The following CFAP20DC variants were observed in gnomAD, a reference collection of about 807,000 sequenced individuals.
CFAP20DC encodes CFAP20 domain containing.
CFAP20DC carries 84 observed loss-of-function variants against 101.7 expected under a neutral mutation model. That is an observed-to-expected ratio of 0.83 (90% CI 0.69 to 0.99). CFAP20DC has a LOEUF of 0.99. Among genes scored for constraint, CFAP20DC ranks in the 50% least tolerant of loss-of-function variants. The pLI, the probability that CFAP20DC is intolerant of heterozygous loss-of-function variation, is 0.00. For synonymous variants in CFAP20DC, 359 were observed against 351.2 expected (o/e 1.02, Z -0.25); for missense variants, 1,007 against 970.3 (o/e 1.04, Z -0.50).
At chr3:58,777,808 C>G (rs2071472660) in intron 15 of CFAP20DC, among the ~76,000 whole-genome samples, 1 of 152,156 alleles carries the variant, frequency 6.6e-6, no homozygotes, top group Admixed American at 6.5e-5. Context: ...GAGGGCCGGC[C>G]TCAAGGCTAA....
intron 4 of CFAP20DC, among the ~76,000 whole-genome samples, chr3:58,948,386 G>A (rs1028431388): frequency 2.6e-5 from 4 of 152,036 alleles, no homozygotes; most frequent in Non-Finnish European, 1.5e-5. Flanking sequence ...ATTTTTTATT[G>A]ACTTGCTACA....
At chr3:58,773,231 T>C (rs961178892) in intron 15 of CFAP20DC, among the ~76,000 whole-genome samples, 1 of 151,810 alleles carries the variant, frequency 6.6e-6, no homozygotes, top group Non-Finnish European at 1.5e-5. Context: ...ATGGTCTAAA[T>C]TGATCCTAGC....
At chr3:58,726,868 A>G in intron 3 of CFAP20DC, 1 of 261,612 alleles carries the variant, frequency 3.8e-6, no homozygotes, top group South Asian at 3.2e-5. Flanking sequence ...ACACCATCAG[A>G]AGAGACAAGA....
intron 13 of CFAP20DC, among the ~76,000 whole-genome samples, chr3:58,840,862 G>C (rs759072908): frequency 6.6e-6 from 1 of 152,190 alleles, no homozygotes; most frequent in Non-Finnish European, 1.5e-5. Flanking sequence ...AGGTAACTGA[G>C]GCTCCAAGAC....
In CFAP20DC at chr3:59,045,966, A is replaced by G. The variant is rs993327352; in HGVS notation, c.205+263T>C. Among the ~76,000 whole-genome samples the G allele has an allele frequency of 5.3e-5, 8 of 152,144 alleles. No homozygotes were observed. In the East Asian group the frequency reaches 1.5e-3, roughly 29 times the overall value. On this transcript the variant is annotated intron_variant, in intron 3 of 16. Coordinates refer to ENST00000482387, the MANE Select transcript of CFAP20DC (RefSeq NM_001394063.1). The stretch of plus-strand genomic sequence containing the variant: ...GTGCTCAATAAATGCTATTATTATC[A>G]TAATTAATGGCTGCCAAATACTCTT...
At chr3:58,772,817 T>C (rs1306656413) in intron 15 of CFAP20DC, among the ~76,000 whole-genome samples, 1 of 152,206 alleles carries the variant, frequency 6.6e-6, no homozygotes, top group Non-Finnish European at 1.5e-5. Flanking sequence ...TAGAACAGTA[T>C]AGTCTTATCC....
At position 58,892,599 on chromosome 3, in the gene CFAP20DC, T is replaced by C. The variant is rs2082340742; in HGVS notation, c.551-7890A>G. ...TATTTTATTCTTTTTGTGGCAATTG[T>C]GAATGGGAGTTCATTCATGATTTGG... On this transcript the variant is annotated intron_variant, in intron 6 of 16. Transcript: ENST00000482387. This position sits in a 1 kb window ranked among gnomAD's most constrained non-coding sequence, Gnocchi z 4.0. Among the ~76,000 whole-genome samples the C allele has an allele frequency of 1.3e-5, 2 of 152,230 alleles. No homozygotes were observed. Among genetic ancestry groups the C allele is most frequent in the Non-Finnish European group, 2.9e-5 (2 of 68,028 alleles).
At chr3:58,764,473 C>A in intron 15 of CFAP20DC, among the ~76,000 whole-genome samples, 1 of 152,196 alleles carries the variant, frequency 6.6e-6, no homozygotes, top group South Asian at 2.1e-4. Context: ...TCCCTGACCC[C>A]TTGCGCTTCC....
At chr3:58,787,764 T>G (rs1451037626) in intron 15 of CFAP20DC, among the ~76,000 whole-genome samples, 1 of 152,070 alleles carries the variant, frequency 6.6e-6, no homozygotes, top group Non-Finnish European at 1.5e-5. Flanking sequence ...TAGAATGGAT[T>G]AAGAAAATGT....
intron 4 of CFAP20DC, among the ~76,000 whole-genome samples, chr3:59,031,866 G>A (rs962267555): frequency 5.3e-5 from 8 of 152,152 alleles, no homozygotes; most frequent in African/African-American, 1.9e-4. Flanking sequence ...AACTTACTTA[G>A]TAAAAGTAGT....
chr3:58,786,491 A>G (rs1161078517), intron 15 of CFAP20DC, among the ~76,000 whole-genome samples: 1 of 152,102 alleles, frequency 6.6e-6, no homozygotes, highest in African/African-American at 2.4e-5. Context: ...TAAATTTTAA[A>G]TCAAGTACTG....
At chr3:58,895,524 T>A (rs1249209756) in intron 6 of CFAP20DC, among the ~76,000 whole-genome samples, 3 of 152,220 alleles carry the variant, frequency 2.0e-5, no homozygotes, top group Non-Finnish European at 2.9e-5. Context: ...GCCTGGACTT[T>A]ATTGTCCATA....
At chr3:58,870,681 G>A (rs2080100842) in intron 7 of CFAP20DC, among the ~76,000 whole-genome samples, 1 of 149,784 alleles carries the variant, frequency 6.7e-6, no homozygotes, top group South Asian at 2.1e-4. Context: ...GAGGTCAGGA[G>A]ATCGAGACCA....
chr3:58,952,165 T>C (rs1159059283), intron 4 of CFAP20DC, among the ~76,000 whole-genome samples: 1 of 152,180 alleles, frequency 6.6e-6, no homozygotes, highest in African/African-American at 2.4e-5. Context: ...AGTAGTGCTA[T>C]TCTTAGTTTT....
At chr3:59,019,008 A>G (rs2108962336) in intron 4 of CFAP20DC, 1 of 152,254 alleles carries the variant, frequency 6.6e-6, no homozygotes, top group Non-Finnish European at 1.5e-5. Flanking sequence ...ATTGGTGAAT[A>G]TGCGTGAAAG....
In CFAP20DC at chr3:58,717,441, G is replaced by A. The variant is rs2067412663; in HGVS notation, c.*147C>T. On this transcript the variant is annotated 3_prime_UTR_variant, in exon 4 of 4. Coordinates refer to the CFAP20DC transcript ENST00000486145. The surrounding 1 kb of genome is among the most constrained non-coding windows in gnomAD (Gnocchi z 4.1). ...TGAATTGTGTCCAAGGATGCTTTGG[G>A]ATCTGTAGACAAAAGATGCTTATTC... The A allele has an allele frequency of 3.7e-6, 1 of 268,324 alleles. No individual in the cohort carries two copies. The allele number at this position is 268,324 out of a possible 1,614,324, so 16.6% of individuals were successfully genotyped here. A position where few individuals can be genotyped will look rare whatever the true frequency, so the allele number is the denominator to read the frequency against.
intron 12 of CFAP20DC, among the ~76,000 whole-genome samples, chr3:58,854,076 C>A (rs542760990): frequency 6.6e-6 from 1 of 152,204 alleles, no homozygotes; most frequent in East Asian, 1.9e-4. Flanking sequence ...GATTGTATAT[C>A]TAGAAAACCC....
intron 5 of CFAP20DC, among the ~76,000 whole-genome samples, chr3:58,924,204 G>C (rs1295036374): frequency 6.6e-6 from 1 of 152,004 alleles, no homozygotes; most frequent in Non-Finnish European, 1.5e-5. Context: ...GCAACCAATA[G>C]GTAATTTTTC....
At chr3:58,803,414 T>C (rs1366938256) in intron 15 of CFAP20DC, among the ~76,000 whole-genome samples, 2 of 152,228 alleles carry the variant, frequency 1.3e-5, no homozygotes, top group Non-Finnish European at 2.9e-5. Context: ...CTTATATTTT[T>C]TCATATTAAT....
Sources: gnomAD v4.1 joint callset for allele counts (sites outside exome capture counted in the v4.1 genomes callset) on GRCh38, gnomAD v4.1.1 for gene constraint, Gnocchi (gnomAD v3.1) non-coding constraint, MANE v1.5 for transcripts, NCBI Gene and HGNC (gene_info 2026-07-23, HGNC 2026-07-21) for gene names.